AFF2: variants seen among roughly 807,000 people sequenced by gnomAD.
AFF2 encodes the protein AF4/FMR2 family member 2.
In AFF2, 14 loss-of-function variants were observed where a neutral mutation model predicts 76.9. The observed-to-expected ratio is 0.18, with a 90% CI of 0.12 to 0.28. The LOEUF is 0.28. Ranked by LOEUF, AFF2 falls within the 10% of genes least tolerant of loss-of-function variation. The pLI is 1.00. For synonymous variants in AFF2, 398 were observed against 366.7 expected, an observed-to-expected ratio of 1.09 and a Z score of -0.98; for missense variants, 868 against 1,001.1, an observed-to-expected ratio of 0.87 and a Z score of 1.79.
chrX:148,852,912 A>G (rs2070747719), intron 7 of AFF2, among the ~76,000 whole-genome samples: 1 of 111,352 alleles, frequency 9.0e-6, no homozygotes. Flanking sequence ...CACTTGTTTA[A>G]TCACCTTCTA....
chrX:148,560,879 C>T (rs1252201575), intron 1 of AFF2, among the ~76,000 whole-genome samples: 2 of 111,126 alleles, frequency 1.8e-5, no homozygotes, highest in South Asian at 3.8e-4. Flanking sequence ...AGCTCTAATG[C>T]TTTCTCTCTG....
chrX:148,559,866 T>C (rs1162728390), intron 1 of AFF2, among the ~76,000 whole-genome samples: 4 of 111,732 alleles, frequency 3.6e-5, no homozygotes, highest in Non-Finnish European at 5.7e-5. Context: ...TCTTCCACAA[T>C]GGTTGAACTA....
At chrX:148,748,377 C>T (rs781808651) in intron 3 of AFF2, among the ~76,000 whole-genome samples, 3 of 111,914 alleles carry the variant, frequency 2.7e-5, no homozygotes, top group South Asian at 3.8e-4. Flanking sequence ...TCAAGGTTAA[C>T]AAGTACTCAG....
intron 2 of AFF2, among the ~76,000 whole-genome samples, chrX:148,660,557 T>A (rs1261784194): frequency 2.7e-5 from 3 of 112,189 alleles, no homozygotes; most frequent in Non-Finnish European, 5.6e-5. Flanking sequence ...TAAGGGCATG[T>A]GAAAAATCTT....
At chrX:148,565,764 A>T (rs2053163163) in intron 1 of AFF2, among the ~76,000 whole-genome samples, 1 of 110,220 alleles carries the variant, frequency 9.1e-6, no homozygotes, top group African/African-American at 3.3e-5. Flanking sequence ...ACAAGTAGAA[A>T]CTCTTGTCTA....
intron 3 of AFF2, among the ~76,000 whole-genome samples, chrX:148,723,069 G>A (rs782457925): frequency 2.7e-5 from 3 of 111,428 alleles, no homozygotes; most frequent in African/African-American, 9.8e-5. Context: ...CCTAATTACC[G>A]TGGTTTTCCA....
intron 1 of AFF2, among the ~76,000 whole-genome samples, chrX:148,610,127 G>T (rs1031065820): frequency 6.3e-5 from 7 of 111,886 alleles, no homozygotes; most frequent in South Asian, 7.5e-4. Flanking sequence ...TGTGAAGAGA[G>T]AGAGGGGGGT....
chrX:148,953,833 ACACTTTCAG>A, intron 10 of AFF2, 94 bp downstream of exon 10: 2 of 720,841 alleles, frequency 2.8e-6, no homozygotes, highest in African/African-American at 2.2e-5. Flanking sequence ...ACACACACAC[ACACTTTCAG>A]CACAATAATT....
intron 3 of AFF2, among the ~76,000 whole-genome samples, chrX:148,665,328 G>T (rs1004714919): frequency 2.7e-5 from 3 of 112,257 alleles, no homozygotes; most frequent in Non-Finnish European, 5.6e-5. Context: ...CCCAGGAGCA[G>T]CCTATGTGCT....
chrX:148,543,649 T>G (rs2052886171), intron 1 of AFF2, among the ~76,000 whole-genome samples: 1 of 111,855 alleles, frequency 8.9e-6, no homozygotes, highest in African/African-American at 3.2e-5. Flanking sequence ...GCCTAGTTCC[T>G]CGGGGAACAT....
intron 2 of AFF2, among the ~76,000 whole-genome samples, chrX:148,654,884 G>A (rs1363797893): frequency 1.8e-5 from 2 of 109,888 alleles, no homozygotes; most frequent in Non-Finnish European, 3.8e-5. Context: ...CTTTGGATGG[G>A]TTAGAAAAAT....
intron 3 of AFF2, among the ~76,000 whole-genome samples, chrX:148,799,418 G>A (rs1004943931): frequency 1.1e-4 from 12 of 111,991 alleles, no homozygotes; most frequent in Non-Finnish European, 2.1e-4. Context: ...TGAGATTGAT[G>A]ACCTGAAAAT....
chrX:148,973,698 A>G, intron 16 of AFF2, 91 bp downstream of exon 16: 1 of 973,291 alleles, frequency 1.0e-6, no homozygotes, highest in Middle Eastern at 2.8e-4. Flanking sequence ...CCACTTATTA[A>G]TAATTTGTCC....
At chrX:148,943,271 T>C (rs1342098951) in intron 9 of AFF2, among the ~76,000 whole-genome samples, 1 of 112,649 alleles carries the variant, frequency 8.9e-6, no homozygotes, top group East Asian at 2.8e-4. Flanking sequence ...TGACTTTTAT[T>C]TCAGAAATTG....
chrX:148,521,476 G>A (rs1251408830), intron 1 of AFF2, among the ~76,000 whole-genome samples: 1 of 110,030 alleles, frequency 9.1e-6, no homozygotes, highest in Non-Finnish European at 1.9e-5. Context: ...TCTACCTTTG[G>A]TGGTAACTAA....
Position 148,741,974 on chromosome X carries a change from T to G in AFF2, c.1042-67902T>G, listed in dbSNP as rs548274270. Among the ~76,000 whole-genome samples, 24 of 112,266 alleles carry G rather than the reference T, an allele frequency of 2.1e-4. No individual in the cohort carries two copies. In the South Asian group the frequency reaches 8.9e-3, roughly 42 times the overall value. ...GGGTTTCCCTTTCCTACTTCCACAG[T>G]TGAGGCACTCACAGTATTTGGGGTG... On this transcript the variant is annotated intron_variant, in intron 3 of 20. Transcript: ENST00000370460.
chrX:148,595,742 C>T (rs782187078), intron 1 of AFF2, among the ~76,000 whole-genome samples: 3 of 111,376 alleles, frequency 2.7e-5, no homozygotes, highest in Admixed American at 1.9e-4. Flanking sequence ...AAACTTTTGA[C>T]GTAAATATGT....
intron 1 of AFF2, among the ~76,000 whole-genome samples, chrX:148,511,568 A>G (rs781885550): frequency 5.2e-4 from 59 of 112,989 alleles, no homozygotes; most frequent in African/African-American, 1.9e-3. Flanking sequence ...AATCTATAAG[A>G]TAATTTGGTA....
At chrX:148,631,044 C>A (rs1557252977) in intron 1 of AFF2, among the ~76,000 whole-genome samples, 1 of 112,110 alleles carries the variant, frequency 8.9e-6, no homozygotes, top group East Asian at 2.8e-4. Context: ...TACTTTCCCC[C>A]ACAGAGTAAG....
Sources: allele counts gnomAD v4.1 joint callset (sites outside exome capture counted in the v4.1 genomes callset), GRCh38; gene constraint gnomAD v4.1.1; transcripts MANE v1.5; gene names NCBI Gene and HGNC (gene_info 2026-07-23, HGNC 2026-07-21).